The following OR1J2 variants were observed in gnomAD, a reference collection of about 807,000 sequenced individuals.
OR1J2 encodes the protein olfactory receptor family 1 subfamily J member 2.
For missense variants in OR1J2, 304 were observed against 246.1 expected (o/e 1.24, Z -1.57); for synonymous variants, 142 against 99.7 (o/e 1.42, Z -2.52).
the OR1J2 span, among the ~76,000 whole-genome samples, chr9:122,558,613 A>G: frequency 6.6e-6 from 1 of 151,630 alleles, no homozygotes; most frequent in Admixed American, 6.6e-5. Context: ...GAGTTTTATT[A>G]GTTTTCCCAT....
the OR1J2 span, among the ~76,000 whole-genome samples, chr9:122,497,241 G>A: frequency 6.6e-6 from 1 of 152,300 alleles, no homozygotes; most frequent in Admixed American, 6.5e-5. Flanking sequence ...GTATGTTCTT[G>A]TAGATAGTTC....
At chr9:122,505,694 C>G in the OR1J2 span, among the ~76,000 whole-genome samples, 5 of 152,156 alleles carry the variant, frequency 3.3e-5, no homozygotes, top group African/African-American at 9.6e-5. Context: ...ATATTTCACC[C>G]CTAAGAATCA....
chr9:122,523,323 A>G, the OR1J2 span, among the ~76,000 whole-genome samples: 1 of 152,122 alleles, frequency 6.6e-6, no homozygotes, highest in African/African-American at 2.4e-5. Flanking sequence ...GACAAAGACT[A>G]TATTGTGAGG....
the OR1J2 span, chr9:122,475,184 G>A: frequency 6.6e-6 from 1 of 152,304 alleles, no homozygotes; most frequent in Non-Finnish European, 1.5e-5. Context: ...AGGAGATAGG[G>A]GCTAGAGGGC....
the OR1J2 span, among the ~76,000 whole-genome samples, chr9:122,548,051 G>A: frequency 0.091 from 13,888 of 152,114 alleles, 929 homozygotes; most frequent in East Asian, 0.33. Context: ...GTGATGTTGA[G>A]CATTTTCCTC....
At chr9:122,451,702 A>G in the OR1J2 span, among the ~76,000 whole-genome samples, 1 of 152,334 alleles carries the variant, frequency 6.6e-6, no homozygotes, top group East Asian at 1.9e-4. Flanking sequence ...TGTAGCAGAA[A>G]GATTAGACAA....
the OR1J2 span, among the ~76,000 whole-genome samples, chr9:122,459,834 T>A: frequency 0.011 from 1,611 of 152,202 alleles, 34 homozygotes; most frequent in African/African-American, 0.037. Context: ...TGGTCTTTGC[T>A]CCCTTCCACC....
chr9:122,544,415 C>CTTTTTTTTTTTTT, the OR1J2 span, among the ~76,000 whole-genome samples: 3 of 85,356 alleles, frequency 3.5e-5, no homozygotes, highest in Non-Finnish European at 4.4e-5. Context: ...CCTCTTTTTT[C>CTTTTTTTTTTTTT]TTTTTTTTTT....
At chr9:122,559,785 G>A in the OR1J2 span, among the ~76,000 whole-genome samples, 1 of 152,220 alleles carries the variant, frequency 6.6e-6, no homozygotes, top group African/African-American at 2.4e-5. Flanking sequence ...GCACTGAGAA[G>A]AATGTATATT....
At chr9:122,507,858 A>C (rs1277287201), upstream of OR1J2, among the ~76,000 whole-genome samples, 1 of 152,132 alleles carries the variant, frequency 6.6e-6, no homozygotes, top group Non-Finnish European at 1.5e-5. Context: ...AGCACTATGC[A>C]AGCAAATGTA....
chr9:122,524,038 T>C, the OR1J2 span, among the ~76,000 whole-genome samples: 2 of 152,178 alleles, frequency 1.3e-5, no homozygotes, highest in African/African-American at 4.8e-5. Flanking sequence ...TTTGAGCTTA[T>C]GTTTTGGGGA....
chr9:122,568,346 C>T, the OR1J2 span: 2 of 1,614,072 alleles, frequency 1.2e-6, no homozygotes, highest in Non-Finnish European at 8.5e-7. Flanking sequence ...GGATGATGAG[C>T]AGGTTCCCTG....
chr9:122,554,241 A>G, the OR1J2 span: 17 of 1,092,938 alleles, frequency 1.6e-5, no homozygotes, highest in Non-Finnish European at 2.3e-5. Flanking sequence ...TACTACTGTC[A>G]TGTTGATATT....
the OR1J2 span, among the ~76,000 whole-genome samples, chr9:122,557,248 C>G: frequency 6.6e-6 from 1 of 152,028 alleles, no homozygotes; most frequent in Non-Finnish European, 1.5e-5. Flanking sequence ...CTAGGACTTT[C>G]AGTATGATAT....
the OR1J2 span, among the ~76,000 whole-genome samples, chr9:122,524,620 T>C: frequency 6.6e-6 from 1 of 152,092 alleles, no homozygotes; most frequent in African/African-American, 2.4e-5. Flanking sequence ...ACTTAAACCA[T>C]ACCCAAACAG....
chr9:122,477,832 A>G, the OR1J2 span: 1 of 1,614,062 alleles, frequency 6.2e-7, no homozygotes, highest in African/African-American at 1.3e-5. Flanking sequence ...GTACATGCCC[A>G]GGAACAGGGC....
chr9:122,467,187 T>G, the OR1J2 span, among the ~76,000 whole-genome samples: 10 of 152,086 alleles, frequency 6.6e-5, no homozygotes, highest in South Asian at 2.1e-4. Context: ...TTAATCCCCC[T>G]AGCCTCAGTC....
At chr9:122,477,490 G>A in the OR1J2 span, 1 of 1,614,110 alleles carries the variant, frequency 6.2e-7, no homozygotes. Context: ...CCAGGACCCA[G>A]CCACCAGCAT....
At chr9:122,465,678 A>G in the OR1J2 span, among the ~76,000 whole-genome samples, 22 of 152,332 alleles carry the variant, frequency 1.4e-4, no homozygotes, top group South Asian at 2.1e-4. Context: ...AGGATTCTAC[A>G]ATTGCCTCCT....
Sources: allele counts gnomAD v4.1 joint callset (sites outside exome capture counted in the v4.1 genomes callset), GRCh38; gene constraint gnomAD v4.1.1; transcripts MANE v1.5; gene names NCBI Gene and HGNC (gene_info 2026-07-23, HGNC 2026-07-21).